Variants in NSG1 observed in about 807,000 individuals in gnomAD.
NSG1 encodes the protein neuronal vesicle trafficking-associated protein 1.
In NSG1, 9 loss-of-function variants were observed where a neutral mutation model predicts 19.3. That is an observed-to-expected ratio of 0.47 (90% CI 0.28 to 0.81). NSG1 has a LOEUF of 0.81. NSG1 is among the 40% of genes least tolerant of loss of function. The pLI is 0.11. For synonymous variants in NSG1, 104 were observed against 107.0 expected (o/e 0.97, Z 0.17); for missense variants, 236 against 242.4 (o/e 0.97, Z 0.18).
At chr4:4,394,517 G>C (rs1274090425) in intron 3 of NSG1, among the ~76,000 whole-genome samples, 2 of 152,176 alleles carry the variant, frequency 1.3e-5, no homozygotes, top group Admixed American at 6.5e-5. Flanking sequence ...AGGTCCATTG[G>C]TGTGGCCCTT....
At chr4:4,393,808 C>T (rs1235185503) in intron 3 of NSG1, among the ~76,000 whole-genome samples, 1 of 152,132 alleles carries the variant, frequency 6.6e-6, no homozygotes, top group African/African-American at 2.4e-5. Flanking sequence ...GCACCACATC[C>T]CTCCCCACTC....
chr4:4,398,258 C>T (rs1033945193), intron 3 of NSG1, among the ~76,000 whole-genome samples: 6 of 152,176 alleles, frequency 3.9e-5, no homozygotes, highest in African/African-American at 1.4e-4. Flanking sequence ...CGGCTTGGCC[C>T]ATTCTTTAAA....
In NSG1 at chr4:4,387,366, C is replaced by T. The variant is rs1415424384; in HGVS notation, c.-27+193C>T. ...CAGGGGCGGCGCCCCCTTCCCTGGCCGCGGTGCGCCCTTGCGCCCGGCGCT... is the reference window on the plus strand; with the variant it reads ...CAGGGGCGGCGCCCCCTTCCCTGGCTGCGGTGCGCCCTTGCGCCCGGCGCT... On this transcript the variant is annotated intron_variant, in intron 1 of 4. Coordinates refer to ENST00000621129, the MANE Select transcript of NSG1 (RefSeq NM_014392.5). 1.3e-5 allele frequency among the ~76,000 whole-genome samples: 2 copies of T among 152,148 alleles called. 1 individual carries two copies. The highest frequency in any genetic ancestry group is 3.9e-4 in the East Asian group (2 of 5,158).
intron 4 of NSG1, among the ~76,000 whole-genome samples, chr4:4,413,011 C>T (rs888427451): frequency 6.6e-6 from 1 of 152,158 alleles, no homozygotes; most frequent in Non-Finnish European, 1.5e-5. Context: ...TTTCTCCTTG[C>T]ACATCATGCT....
intron 4 of NSG1, chr4:4,415,920 T>C: frequency 1.7e-6 from 1 of 591,504 alleles, no homozygotes; most frequent in Non-Finnish European, 3.0e-6. Flanking sequence ...ATGCACGCGC[T>C]GCTGGTCTGA....
At chr4:4,398,098 G>A (rs558390133) in intron 3 of NSG1, among the ~76,000 whole-genome samples, 55 of 152,182 alleles carry the variant, frequency 3.6e-4, no homozygotes, top group African/African-American at 1.3e-3. Flanking sequence ...GGTATTACAG[G>A]CACCTGCCAC....
chr4:4,393,743 G>A (rs1577281129), intron 3 of NSG1, among the ~76,000 whole-genome samples: 1 of 152,100 alleles, frequency 6.6e-6, no homozygotes, highest in Non-Finnish European at 1.5e-5. Context: ...GGGTGGCTGG[G>A]GTGCTCCCTC....
chr4:4,402,047 A>ATT (rs35299425), intron 3 of NSG1, among the ~76,000 whole-genome samples: 1,344 of 122,266 alleles, frequency 0.011, 26 homozygotes, highest in African/African-American at 0.039. Context: ...TGCCCAGCTA[A>ATT]TTTTTTTTTT....
At chr4:4,401,065 G>T (rs1412580988) in intron 3 of NSG1, among the ~76,000 whole-genome samples, 1 of 152,200 alleles carries the variant, frequency 6.6e-6, no homozygotes, top group Non-Finnish European at 1.5e-5. Flanking sequence ...CCACAGCAGT[G>T]GGGGCTGGGC....
intron 2 of NSG1, among the ~76,000 whole-genome samples, chr4:4,388,667 C>A (rs1722857480): frequency 6.6e-6 from 1 of 152,182 alleles, no homozygotes; most frequent in Admixed American, 6.5e-5. Flanking sequence ...CTCATTTAGT[C>A]CCTGGTGAAG....
intron 4 of NSG1, among the ~76,000 whole-genome samples, chr4:4,414,123 A>G (rs7693096): frequency 0.34 from 51,095 of 151,872 alleles, 11,671 homozygotes; most frequent in African/African-American, 0.65. Flanking sequence ...ATCCTCTCTG[A>G]GCCTGGAGCA....
At chr4:4,411,299 C>T (rs1724166167) in intron 4 of NSG1, among the ~76,000 whole-genome samples, 2 of 152,192 alleles carry the variant, frequency 1.3e-5, no homozygotes, top group South Asian at 2.1e-4. Flanking sequence ...ACTTCCAACA[C>T]ATTTTTGTTA....
rs541640251 is a variant in NSG1, at chr4:4,406,671, T to TC, written c.247-2895dup. Among the ~76,000 whole-genome samples, 4 of 151,362 alleles carry TC rather than the reference T, an allele frequency of 2.6e-5. No individual in the cohort carries two copies. The South Asian group carries it at 6.4e-4, about 24-fold the overall frequency. ...GCGACAGCAGACAGCTCCGTCATGC[T>TC]CCCCCCCAACCCAGGTGCTGTTCTC... On this transcript the variant is annotated intron_variant, in intron 3 of 4. Transcript: ENST00000621129.
chr4:4,410,656 A>T (rs748922404), intron 4 of NSG1, among the ~76,000 whole-genome samples: 1 of 152,162 alleles, frequency 6.6e-6, no homozygotes, highest in African/African-American at 2.4e-5. Flanking sequence ...GGGCATTTCC[A>T]TCATGAATGC....
At chr4:4,407,639 C>T (rs1238657044) in intron 3 of NSG1, among the ~76,000 whole-genome samples, 3 of 152,200 alleles carry the variant, frequency 2.0e-5, no homozygotes, top group Admixed American at 6.5e-5. Flanking sequence ...GATGCAGGCT[C>T]GGGGACAATT....
chr4:4,388,923 C>G (rs1175327464), intron 2 of NSG1, among the ~76,000 whole-genome samples: 1 of 152,224 alleles, frequency 6.6e-6, no homozygotes, highest in Non-Finnish European at 1.5e-5. Flanking sequence ...TGGTGCCACT[C>G]TGGGCCACTG....
At position 4,395,728 on chromosome 4, in the gene NSG1, C is replaced by A. The variant is rs541111374; in HGVS notation, c.246+4137C>A. ...GTGACTGGACAGCTTCTGTGCAGCT[C>A]CCTGGCCCAGCCATCATCTTAGCTC... On this transcript the variant is annotated intron_variant, in intron 3 of 4. Coordinates refer to ENST00000621129, the MANE Select transcript of NSG1 (RefSeq NM_014392.5). Among the ~76,000 whole-genome samples the A allele has an allele frequency of 2.6e-5, 4 of 152,288 alleles. No homozygotes were observed. The East Asian group carries it at 7.7e-4, about 29-fold the overall frequency.
chr4:4,405,296 A>G (rs1723791020), intron 3 of NSG1, among the ~76,000 whole-genome samples: 1 of 152,070 alleles, frequency 6.6e-6, no homozygotes, highest in Admixed American at 6.6e-5. Flanking sequence ...ATAAGGACAC[A>G]CCAGTTTGGT....
chr4:4,392,080 A>T (rs554382353), intron 3 of NSG1, among the ~76,000 whole-genome samples: 2 of 151,858 alleles, frequency 1.3e-5, no homozygotes, highest in Non-Finnish European at 2.9e-5. Flanking sequence ...TGAGGCACAG[A>T]GTGGTCACAG....
Sources: gnomAD v4.1 joint callset for allele counts (sites outside exome capture counted in the v4.1 genomes callset) on GRCh38, gnomAD v4.1.1 for gene constraint, MANE v1.5 for transcripts, NCBI Gene and HGNC (gene_info 2026-07-23, HGNC 2026-07-21) for gene names.